Variants in DOCK2 observed in about 807,000 individuals in gnomAD.
The protein encoded by DOCK2 is dedicator of cytokinesis protein 2.
A neutral mutation model predicts 248.9 loss-of-function variants in DOCK2; 87 were observed. That is an observed-to-expected ratio of 0.35 (90% CI 0.29 to 0.42). The LOEUF (loss-of-function observed/expected upper bound fraction) is 0.42. Among genes scored for constraint, DOCK2 ranks in the 10% least tolerant of loss-of-function variants. The pLI is 1.00. For missense variants in DOCK2, 1,747 were observed against 2,300.2 expected (o/e 0.76, Z 4.92); for synonymous variants, 805 against 821.6 (o/e 0.98, Z 0.35).
At chr5:169,655,393 A>AG (rs1758051192) in intron 2 of DOCK2, among the ~76,000 whole-genome samples, 1 of 152,184 alleles carries the variant, frequency 6.6e-6, no homozygotes, top group South Asian at 2.1e-4. Flanking sequence ...AATCCATTAG[A>AG]GGAGGCCCTG....
Position 170,047,529 on chromosome 5 carries a change from A to G in DOCK2, c.3986A>G (p.Tyr1329Cys), listed in dbSNP as rs766635884. 8 of 1,613,458 alleles carry G rather than the reference A, an allele frequency of 5.0e-6. No homozygotes were observed. Among genetic ancestry groups the G allele is most frequent in the Non-Finnish European group, 6.8e-6 (8 of 1,179,768 alleles). ...CTTTAGATCCAGCAGGCAAAATTCT[A>G]TGAAAGCATCATGAAAATCCTCAGG... is the stretch of plus-strand genomic sequence containing the variant. ...SQNLIQQAKF[Y>C]ESIMKILRPK... Residue 1329 changes from tyrosine (Y) to cysteine (C), a missense_variant, in exon 40 of 52, where the codon TAT becomes TGT. Transcript: ENST00000520908.
chr5:170,010,959 C>A lies in DOCK2; in HGVS notation c.3232+2213C>A, dbSNP rs536468630. ...GATTATGTTTTGGCAGGCATTCCTG[C>A]ACTCCCAATTATGCTGATGAATGAA... On this transcript the variant is annotated intron_variant, in intron 32 of 51. Transcript: ENST00000520908. 2.0e-5 allele frequency among the ~76,000 whole-genome samples: 3 copies of A among 152,342 alleles called. No homozygotes were observed. The East Asian group carries it at 5.8e-4, about 29-fold the overall frequency.
chr5:169,722,865 G>T (rs1340094669), intron 22 of DOCK2, among the ~76,000 whole-genome samples: 1 of 152,126 alleles, frequency 6.6e-6, no homozygotes, highest in Non-Finnish European at 1.5e-5. Flanking sequence ...ATTTCTTACA[G>T]TTTATTTCTC....
At chr5:169,665,022 TTATA>T (rs1161166102) in intron 2 of DOCK2, among the ~76,000 whole-genome samples, 12 of 137,530 alleles carry the variant, frequency 8.7e-5, no homozygotes, top group African/African-American at 2.7e-4. Flanking sequence ...CTATATATGT[TTATA>T]TATAAGTATC....
At chr5:169,754,329 A>C (rs1473850362) in intron 23 of DOCK2, among the ~76,000 whole-genome samples, 1 of 152,078 alleles carries the variant, frequency 6.6e-6, no homozygotes, top group African/African-American at 2.4e-5. Flanking sequence ...GGACAGTAAA[A>C]CCACTCTTGG....
chr5:169,909,787 A>AT (rs1323624726), intron 27 of DOCK2, among the ~76,000 whole-genome samples: 1 of 152,206 alleles, frequency 6.6e-6, no homozygotes, highest in Non-Finnish European at 1.5e-5. Context: ...ACTTACAAGG[A>AT]TTATTATCAT....
chr5:170,008,098 G>A lies in DOCK2; in HGVS notation c.3073-399G>A, dbSNP rs548465636. On this transcript the variant is annotated intron_variant, in intron 30 of 51. Coordinates refer to ENST00000520908, the MANE Select transcript of DOCK2 (RefSeq NM_004946.3). ...GAATCCCTGAACTATCTTACCCTTC[G>A]TCACCCTCTAATTCCAGGGCAAGAA... Among the ~76,000 whole-genome samples the A allele has an allele frequency of 2.0e-5, 3 of 151,980 alleles. No homozygotes were observed. In the South Asian group the frequency reaches 6.2e-4, roughly 32 times the overall value.
chr5:170,045,745 TC>T, intron 38 of DOCK2, 70 bp from the exon 39 acceptor site: 1 of 1,426,032 alleles, frequency 7.0e-7, no homozygotes, highest in Non-Finnish European at 9.9e-7. Context: ...TACGCCTGAG[TC>T]CCTTCCTCAG....
At chr5:169,706,925 G>C (rs1183225843) in intron 14 of DOCK2, among the ~76,000 whole-genome samples, 1 of 152,206 alleles carries the variant, frequency 6.6e-6, no homozygotes, top group Non-Finnish European at 1.5e-5. Context: ...TATGTGGCCA[G>C]CTTTGGTGAT....
At chr5:169,708,726 G>A (rs113010995) in intron 15 of DOCK2, among the ~76,000 whole-genome samples, 4,265 of 152,116 alleles carry the variant, frequency 0.028, 160 homozygotes, top group South Asian at 0.14. Flanking sequence ...CACCACACCA[G>A]GCTAATTTTT....
chr5:170,027,139 T>C (rs1251399916), intron 33 of DOCK2, among the ~76,000 whole-genome samples: 1 of 151,936 alleles, frequency 6.6e-6, no homozygotes, highest in Non-Finnish European at 1.5e-5. Flanking sequence ...CAACCTTCCA[T>C]CTTCAGCTTG....
intron 22 of DOCK2, among the ~76,000 whole-genome samples, chr5:169,726,527 T>A (rs147092979): frequency 0.01 from 1,591 of 152,310 alleles, 28 homozygotes; most frequent in African/African-American, 0.036. Context: ...CCCATTTGTC[T>A]ATTTTGGCTT....
intron 22 of DOCK2, among the ~76,000 whole-genome samples, chr5:169,722,844 C>T (rs952662275): frequency 1.3e-5 from 2 of 152,164 alleles, no homozygotes; most frequent in African/African-American, 4.8e-5. Flanking sequence ...ACTACTCATA[C>T]TATCCTAAAC....
chr5:169,903,105 A>T (rs1437428793), intron 27 of DOCK2, among the ~76,000 whole-genome samples: 1 of 151,906 alleles, frequency 6.6e-6, no homozygotes, highest in South Asian at 2.1e-4. Context: ...TCAAAAAAAA[A>T]AGAAAGAAAG....
At chr5:170,036,605 T>A (rs1441286752) in intron 36 of DOCK2, 50 bp downstream of exon 36, 3 of 1,576,728 alleles carry the variant, frequency 1.9e-6, no homozygotes. Context: ...ACTTTCCTGC[T>A]CAGTATCCAT....
At chr5:169,780,295 ATGTGTG>A (rs3138738) in intron 25 of DOCK2, among the ~76,000 whole-genome samples, 3,764 of 137,728 alleles carry the variant, frequency 0.027, 100 homozygotes, top group African/African-American at 0.061. Flanking sequence ...AACCCAATAA[ATGTGTG>A]TGTGTGTGTG....
chr5:169,643,238 T>C (rs1288178937), intron 1 of DOCK2, among the ~76,000 whole-genome samples: 1 of 152,218 alleles, frequency 6.6e-6, no homozygotes, highest in African/African-American at 2.4e-5. Context: ...CCAGGTCAGC[T>C]TCTGCTTTGG....
intron 26 of DOCK2, among the ~76,000 whole-genome samples, chr5:169,805,907 T>A (rs965756594): frequency 6.6e-6 from 1 of 152,210 alleles, no homozygotes; most frequent in African/African-American, 2.4e-5. Context: ...CTGTGGGGAC[T>A]AACCCACCCC....
intron 32 of DOCK2, among the ~76,000 whole-genome samples, chr5:170,015,169 G>GCAGCAGCAA (rs769037090): frequency 3.3e-5 from 5 of 152,220 alleles, no homozygotes; most frequent in South Asian, 2.1e-4. Flanking sequence ...ACCATCAGCA[G>GCAGCAGCAA]CAGCAGCAAC....
Sources: allele counts gnomAD v4.1 joint callset (sites outside exome capture counted in the v4.1 genomes callset), GRCh38; gene constraint gnomAD v4.1.1; transcripts MANE v1.5; gene names NCBI Gene and HGNC (gene_info 2026-07-23, HGNC 2026-07-21).